The following DPP10 variants were observed in gnomAD, a reference collection of about 807,000 sequenced individuals.
DPP10 encodes inactive dipeptidyl peptidase 10.
DPP10 carries 33 observed loss-of-function variants against 120.9 expected under a neutral mutation model. That is an observed-to-expected ratio of 0.27 (90% confidence interval 0.21 to 0.37). DPP10 has a LOEUF of 0.37. Ranked by LOEUF, DPP10 falls within the 10% of genes least tolerant of loss-of-function variation. The probability of loss-of-function intolerance (pLI) is 1.00; values close to 1 mark genes in which losing one functional copy is unlikely to be tolerated. For synonymous variants in DPP10, 337 were observed against 326.1 expected (o/e 1.03, Z -0.36); for missense variants, 816 against 942.8 (o/e 0.87, Z 1.76).
In DPP10 at chr2:115,753,137, G is replaced by C. The variant is rs746369250; in HGVS notation, c.951-37G>C. 3.1e-6 allele frequency: 5 copies of C among 1,594,874 alleles called. No homozygotes were observed. The South Asian group carries it at 4.5e-5, about 14-fold the overall frequency. On this transcript the variant is annotated intron_variant, in intron 10 of 25. Coordinates refer to ENST00000410059, the MANE Select transcript of DPP10 (RefSeq NM_020868.6). Reference sequence around the variant, plus strand: ...TTGTTGGTACTATATCAATGCTCTGGCTCTAAACATACATTTTAATTTTGT... The same window carrying C: ...TTGTTGGTACTATATCAATGCTCTGCCTCTAAACATACATTTTAATTTTGT...
At chr2:114,834,064 ACACCTATGTATATATAAGCCATATCTACG>A (rs1687387459) in intron 1 of DPP10, 25 of 150,048 alleles carry the variant, frequency 1.7e-4, no homozygotes, top group South Asian at 2.1e-4. Flanking sequence ...CCATATCTAC[ACACCTATGTATATATAAGCCATATCTACG>A]CACCTATGTA....
chr2:114,866,698 C>T (rs1349131179), intron 1 of DPP10, among the ~76,000 whole-genome samples: 1 of 152,178 alleles, frequency 6.6e-6, no homozygotes, highest in African/African-American at 2.4e-5. Context: ...TGCTTGTGCT[C>T]TTATACATGC....
intron 1 of DPP10, among the ~76,000 whole-genome samples, chr2:115,077,437 G>A (rs1001200471): frequency 5.9e-5 from 9 of 151,932 alleles, no homozygotes; most frequent in African/African-American, 1.9e-4. Context: ...TAACCTCACC[G>A]GAAAACTGGA....
intron 1 of DPP10, among the ~76,000 whole-genome samples, chr2:114,453,793 G>A (rs560411702): frequency 6.6e-6 from 1 of 152,044 alleles, no homozygotes; most frequent in Non-Finnish European, 1.5e-5. Context: ...ATACTAAATG[G>A]CTTCATTTTA....
intron 3 of DPP10, among the ~76,000 whole-genome samples, chr2:115,497,071 A>C (rs187364049): frequency 3.3e-5 from 5 of 152,218 alleles, no homozygotes; most frequent in Non-Finnish European, 5.9e-5. Context: ...CTACAACAGT[A>C]CTATCATCTA....
At chr2:115,520,343 G>A (rs537592668) in intron 4 of DPP10, among the ~76,000 whole-genome samples, 17 of 152,006 alleles carry the variant, frequency 1.1e-4, no homozygotes, top group Middle Eastern at 3.4e-3. Flanking sequence ...AAAACATAAA[G>A]GATATGTGTG....
chr2:115,211,508 G>A (rs2056510635), intron 1 of DPP10, among the ~76,000 whole-genome samples: 1 of 151,926 alleles, frequency 6.6e-6, no homozygotes, highest in African/African-American at 2.4e-5. Context: ...GCATATATTG[G>A]ATTTAATAAC....
At chr2:114,553,759 A>G (rs1688069688) in intron 1 of DPP10, among the ~76,000 whole-genome samples, 1 of 152,224 alleles carries the variant, frequency 6.6e-6, no homozygotes. Flanking sequence ...GATCAAATAA[A>G]TAGGTTTGTT....
At chr2:115,161,853 A>G in intron 1 of DPP10, 1 of 688,590 alleles carries the variant, frequency 1.5e-6, no homozygotes, top group Non-Finnish European at 1.9e-6. Flanking sequence ...CCTTCCGCCG[A>G]TTCCGGGAGC....
At chr2:115,546,069 C>G (rs1298669406) in intron 5 of DPP10, among the ~76,000 whole-genome samples, 3 of 152,142 alleles carry the variant, frequency 2.0e-5, no homozygotes, top group Non-Finnish European at 2.9e-5. Context: ...GACTGACCCT[C>G]TTAGACTTAA....
intron 7 of DPP10, among the ~76,000 whole-genome samples, chr2:115,720,091 C>G (rs1018656830): frequency 6.6e-6 from 1 of 152,144 alleles, no homozygotes; most frequent in African/African-American, 2.4e-5. Flanking sequence ...CTATGCTCAG[C>G]TTTGGTAAGA....
At chr2:115,773,860 C>T (rs567913461) in intron 13 of DPP10, among the ~76,000 whole-genome samples, 1 of 152,168 alleles carries the variant, frequency 6.6e-6, no homozygotes, top group South Asian at 2.1e-4. Context: ...TTAATGTGCT[C>T]ACTGCTGTGA....
At chr2:114,571,872 GTA>G (rs1332842710) in intron 1 of DPP10, among the ~76,000 whole-genome samples, 3 of 147,352 alleles carry the variant, frequency 2.0e-5, no homozygotes, top group Admixed American at 6.8e-5. Flanking sequence ...TGTATATATT[GTA>G]TATATATAGT....
intron 1 of DPP10, among the ~76,000 whole-genome samples, chr2:114,692,220 A>G (rs1334848137): frequency 1.3e-5 from 2 of 152,044 alleles, no homozygotes; most frequent in Non-Finnish European, 2.9e-5. Flanking sequence ...GTGGGCATTT[A>G]GTGCTATTAA....
chr2:115,204,982 C>T (rs1350483546), intron 1 of DPP10, among the ~76,000 whole-genome samples: 2 of 151,924 alleles, frequency 1.3e-5, no homozygotes, highest in Admixed American at 6.6e-5. Context: ...TTATACATTC[C>T]AGATATTAGA....
chr2:115,547,520 TC>T (rs2079585052), intron 5 of DPP10, among the ~76,000 whole-genome samples: 1 of 152,172 alleles, frequency 6.6e-6, no homozygotes, highest in Non-Finnish European at 1.5e-5. Flanking sequence ...ACGCCTGTAA[TC>T]CCAGCACTTT....
intron 5 of DPP10, among the ~76,000 whole-genome samples, chr2:115,550,855 G>C (rs1173716944): frequency 6.6e-6 from 1 of 152,096 alleles, no homozygotes. Flanking sequence ...TTGTCTCCTT[G>C]TTTAAAGAAC....
At chr2:114,667,924 A>C (rs1698051725) in intron 1 of DPP10, among the ~76,000 whole-genome samples, 1 of 152,206 alleles carries the variant, frequency 6.6e-6, no homozygotes, top group African/African-American at 2.4e-5. Flanking sequence ...TTTGAGTTTT[A>C]CAAATATTCA....
chr2:115,261,845 C>T (rs76295805), intron 1 of DPP10, among the ~76,000 whole-genome samples: 2,306 of 152,254 alleles, frequency 0.015, 65 homozygotes, highest in African/African-American at 0.051. Flanking sequence ...ATACAAGCTT[C>T]CTCCTAAAAC....
Sources: allele counts gnomAD v4.1 joint callset (sites outside exome capture counted in the v4.1 genomes callset), GRCh38; gene constraint gnomAD v4.1.1; transcripts MANE v1.5; gene names NCBI Gene and HGNC (gene_info 2026-07-23, HGNC 2026-07-21).